COG2: variants seen among roughly 807,000 people sequenced by gnomAD.
The protein encoded by COG2 is component of oligomeric golgi complex 2, also known as conserved oligomeric Golgi complex subunit 2.
Under a neutral mutation model 90.6 loss-of-function variants are expected in COG2, and 52 were observed. That is an observed-to-expected ratio of 0.57 (90% CI 0.46 to 0.72). COG2 has a LOEUF of 0.72. Among genes scored for constraint, COG2 ranks in the 30% least tolerant of loss-of-function variants. COG2 has a pLI of 0.00. For missense variants in COG2, 829 were observed against 891.2 expected, an observed-to-expected ratio of 0.93 and a Z score of 0.89; for synonymous variants, 337 against 320.4, an observed-to-expected ratio of 1.05 and a Z score of -0.55.
In COG2 at chr1:230,693,402, G is replaced by C. The variant is rs949045355; in HGVS notation, c.*9G>C. The C allele has an allele frequency of 9.6e-6, 15 of 1,565,494 alleles. No individual in the cohort carries two copies. The Admixed American group carries it at 2.6e-4, about 27-fold the overall frequency. Reference sequence around the variant, plus strand: ...CAGCAGAGCAGCCTTAAGCATCTTGGAAGATCCCGAGGTTAGATTCTTAAG... The same window carrying C: ...CAGCAGAGCAGCCTTAAGCATCTTGCAAGATCCCGAGGTTAGATTCTTAAG... On this transcript the variant is annotated 3_prime_UTR_variant, in exon 18 of 18. Transcript: ENST00000366669.
At chr1:230,659,691 A>G in intron 2 of COG2, 66 bp downstream of exon 2, 1 of 1,511,282 alleles carries the variant, frequency 6.6e-7, no homozygotes, top group Non-Finnish European at 9.0e-7. Flanking sequence ...ACTTATTCTT[A>G]GAAGTGTTGT....
chr1:230,669,574 G>GTT (rs763946889), intron 7 of COG2, 39 bp downstream of exon 7: 4 of 1,578,682 alleles, frequency 2.5e-6, no homozygotes, highest in Non-Finnish European at 2.6e-6. Flanking sequence ...ATGAGCTTCT[G>GTT]TTCTGTCTTT....
chr1:230,678,361 A>G (rs1662649669), intron 9 of COG2: 2 of 985,324 alleles, frequency 2.0e-6, no homozygotes, highest in Non-Finnish European at 2.4e-6. Flanking sequence ...TGTGGGTTAA[A>G]TTAAATAAGA....
chr1:230,655,685 CTT>C, intron 1 of COG2, among the ~76,000 whole-genome samples: 1 of 152,348 alleles, frequency 6.6e-6, no homozygotes, highest in South Asian at 2.1e-4. Flanking sequence ...ACCAGCTCCT[CTT>C]TGTACCTCTG....
intron 1 of COG2, among the ~76,000 whole-genome samples, chr1:230,653,575 A>C (rs1463001428): frequency 6.6e-6 from 1 of 152,256 alleles, no homozygotes; most frequent in Non-Finnish European, 1.5e-5. Flanking sequence ...GATTCTACTA[A>C]AGAATCAATT....
intron 1 of COG2, among the ~76,000 whole-genome samples, chr1:230,658,775 T>C (rs761784561): frequency 1.4e-4 from 21 of 152,298 alleles, no homozygotes; most frequent in Non-Finnish European, 2.2e-4. Context: ...TCTGGTAGTC[T>C]GGCCACAGCG....
chr1:230,664,860 T>C (rs1262639948), intron 5 of COG2, among the ~76,000 whole-genome samples: 1 of 152,200 alleles, frequency 6.6e-6, no homozygotes, highest in African/African-American at 2.4e-5. Context: ...TTTTTGAAAT[T>C]GCCTTACCCA....
chr1:230,685,444 A>T (rs1481421463), intron 12 of COG2, among the ~76,000 whole-genome samples: 1 of 152,154 alleles, frequency 6.6e-6, no homozygotes, highest in East Asian at 1.9e-4. Flanking sequence ...CTATTATCAC[A>T]AACTTATTTT....
At chr1:230,671,459 G>A in intron 7 of COG2, 57 bp from the exon 8 acceptor site, 1 of 1,489,810 alleles carries the variant, frequency 6.7e-7, no homozygotes, top group Non-Finnish European at 9.2e-7. Context: ...CTCTGAAATA[G>A]ATCGTTTGTA....
At position 230,663,156 on chromosome 1, in the gene COG2, G is replaced by A; in HGVS notation, c.316G>A (p.Val106Ile). Residue 106 changes from valine (V) to isoleucine (I), a missense_variant, in exon 4 of 18, where the codon GTC becomes ATC. Transcript: ENST00000366669. ...TCTTTTAAAGAGCCTTAGATCGTCT[G>A]TCAGTGAAGGAATTCGGGCAGTTGA... ...REEVLSLRSS[V>I]SEGIRAVDER... 1.2e-6 allele frequency: 2 copies of A among 1,608,168 alleles called. No homozygotes were observed. Among genetic ancestry groups the A allele is most frequent in the South Asian group, 2.2e-5 (2 of 90,186 alleles).
At chr1:230,642,718 GT>G in intron 1 of COG2, 40 bp downstream of exon 1, 1 of 1,593,170 alleles carries the variant, frequency 6.3e-7, no homozygotes. Context: ...GGCCATGAGG[GT>G]GCCTCTGCCC....
At chr1:230,683,409 T>TA (rs5781595) in intron 10 of COG2, 165 bp from the exon 11 acceptor site, 828 of 384,572 alleles carry the variant, frequency 2.2e-3, no homozygotes, top group Middle Eastern at 5.3e-3. Context: ...CTTGTTCAGT[T>TA]AAAAAAAAAA....
intron 10 of COG2, 74 bp downstream of exon 10, chr1:230,679,126 C>T (rs1396667484): frequency 4.2e-6 from 6 of 1,427,710 alleles, no homozygotes; most frequent in Non-Finnish European, 4.7e-6. Flanking sequence ...AGGATGTTGC[C>T]TCAGTTAGCG....
chr1:230,664,557 C>T lies in COG2; in HGVS notation c.455C>T (p.Ser152Phe). 1 of 1,568,290 alleles carries T rather than the reference C, an allele frequency of 6.4e-7. No individual in the cohort carries two copies. Among genetic ancestry groups the T allele is most frequent in the Non-Finnish European group, 8.7e-7 (1 of 1,152,504 alleles). The change falls in exon 5 of 18, where the codon TCT becomes TTT. Residue 152 changes from serine (S) to phenylalanine (F), a missense_variant. Transcript: ENST00000366669. Reference protein sequence around the residue: ...KIEKILNSQSSKETSALEASS... With the variant: ...KIEKILNSQSFKETSALEASS... Reference sequence around the variant, plus strand: ...GAAAAAATCTTAAACTCTCAAAGTTCTAAAGAAACCTCTGCACTAGAAGCA... The same window carrying T: ...GAAAAAATCTTAAACTCTCAAAGTTTTAAAGAAACCTCTGCACTAGAAGCA...
chr1:230,652,390 T>C (rs778687183), intron 1 of COG2, among the ~76,000 whole-genome samples: 1 of 152,194 alleles, frequency 6.6e-6, no homozygotes, highest in Non-Finnish European at 1.5e-5. Flanking sequence ...ATATAGCTCA[T>C]CTCTTTTTAT....
intron 5 of COG2, among the ~76,000 whole-genome samples, chr1:230,666,738 C>T (rs1571951480): frequency 6.6e-6 from 1 of 152,278 alleles, no homozygotes; most frequent in Non-Finnish European, 1.5e-5. Context: ...TCCCTTTCAC[C>T]TGCCCGATTT....
At chr1:230,669,252 AT>A in intron 6 of COG2, 103 bp from the exon 7 acceptor site, 1 of 985,326 alleles carries the variant, frequency 1.0e-6, no homozygotes, top group Non-Finnish European at 1.5e-6. Context: ...GATTTTATAT[AT>A]GTCATTATCT....
chr1:230,692,766 G>A lies in COG2; in HGVS notation c.2116-526G>A, dbSNP rs554445215. ...GGTGCGTGTGTGTGTGTGCGTGTAT[G>A]GATGTATACGTGTGTGTGTGTTGTT... On this transcript the variant is annotated intron_variant, in intron 17 of 17. Coordinates refer to ENST00000366669, the MANE Select transcript of COG2 (RefSeq NM_007357.3). Among the ~76,000 whole-genome samples, 3 of 143,028 alleles carry A rather than the reference G, an allele frequency of 2.1e-5. 1 individual carries two copies. In the South Asian group the frequency reaches 7.2e-4, roughly 34 times the overall value. 93.8% of individuals were successfully genotyped at this position (143,028 alleles called of 152,430 possible). A position where few individuals can be genotyped will look rare whatever the true frequency, so the allele number is the denominator to read the frequency against.
intron 8 of COG2, among the ~76,000 whole-genome samples, chr1:230,673,225 G>T (rs889531252): frequency 3.9e-5 from 6 of 152,198 alleles, no homozygotes; most frequent in African/African-American, 1.4e-4. Flanking sequence ...ACAGTTTTTA[G>T]TGTGGGGGAA....
Sources: gnomAD v4.1 joint callset for allele counts (sites outside exome capture counted in the v4.1 genomes callset) on GRCh38, gnomAD v4.1.1 for gene constraint, MANE v1.5 for transcripts, NCBI Gene and HGNC (gene_info 2026-07-23, HGNC 2026-07-21) for gene names.